TATDN2: variants seen among roughly 807,000 people sequenced by gnomAD.
TATDN2 encodes the protein TatD DNase domain containing 2, also known as 3'-5' RNA nuclease TATDN2.
A neutral mutation model predicts 60.3 loss-of-function variants in TATDN2; 44 were observed. The ratio of observed to expected loss-of-function variants is 0.73; its 90% CI spans 0.57 to 0.94. The LOEUF (loss-of-function observed/expected upper bound fraction) is 0.94, where lower values mean the gene tolerates loss of function less well. TATDN2 is among the 40% of genes least tolerant of loss of function. The probability of loss-of-function intolerance (pLI) is 0.00; values close to 1 mark genes in which losing one functional copy is unlikely to be tolerated. For missense variants in TATDN2, 997 were observed against 948.0 expected, an observed-to-expected ratio of 1.05 and a Z score of -0.68; for synonymous variants, 399 against 355.8, an observed-to-expected ratio of 1.12 and a Z score of -1.37.
intron 3 of TATDN2, among the ~76,000 whole-genome samples, chr3:10,267,240 G>A (rs1173171104): frequency 6.6e-6 from 1 of 150,866 alleles, no homozygotes; most frequent in African/African-American, 2.4e-5. Flanking sequence ...TTGAATATCG[G>A]CAGTCTCCTC....
Position 10,249,346 on chromosome 3 carries a change from C to G in TATDN2, c.146C>G (p.Pro49Arg), listed in dbSNP as rs1218328494. ...AGGTCTGCGTCGCGTTCTGGAGGGC[C>G]CAGCAGCCCCAAGCGCCTGAAAGCC... The part of the protein sequence containing the change: ...AQRSASRSGG[P>R]SSPKRLKAQK... Residue 49 changes from proline (P) to arginine (R), a missense_variant, in exon 2 of 8, where the codon CCC (proline) becomes CGC (arginine). Physicochemically the swap from Pro to Arg is moderately radical, Grantham distance 103 (BLOSUM62 -2). Coordinates refer to ENST00000448281, the MANE Select transcript of TATDN2 (RefSeq NM_014760.4). 6.2e-7 allele frequency: 1 copy of G among 1,612,454 alleles called. No individual in the cohort carries two copies. Among genetic ancestry groups the G allele is most frequent in the Admixed American group, 1.7e-5 (1 of 59,896 alleles).
intron 2 of TATDN2, among the ~76,000 whole-genome samples, chr3:10,252,147 CAAAA>C (rs35469402): frequency 1.3e-4 from 8 of 63,298 alleles, no homozygotes; most frequent in South Asian, 7.6e-4. Context: ...GACTCAGTCT[CAAAA>C]AAAAAAAAAA....
intron 2 of TATDN2, among the ~76,000 whole-genome samples, chr3:10,252,901 G>C (rs1698252947): frequency 7.2e-6 from 1 of 139,682 alleles, no homozygotes; most frequent in East Asian, 2.3e-4. Flanking sequence ...CTGTCACCCA[G>C]GCTGGAGTGC....
chr3:10,270,593 C>T lies in TATDN2; in HGVS notation c.1411C>T (p.Pro471Ser), dbSNP rs768781324. The change falls in exon 4 of 8, where the codon CCG becomes TCG. Residue 471 changes from proline to serine, a missense_variant. Physicochemically the swap from Pro to Ser is moderately conservative, Grantham distance 74 (BLOSUM62 -1). Coordinates refer to ENST00000448281, the MANE Select transcript of TATDN2 (RefSeq NM_014760.4). ...EKRTFQEEMP[P>S]RPCGGHASSS... ...AAGAACATTCCAAGAGGAGATGCCT[C>T]CGCGTCCTTGTGGAGGACACGCATC... 1.9e-6 allele frequency: 3 copies of T among 1,614,250 alleles called. No homozygotes were observed. The highest frequency in any genetic ancestry group is 1.1e-5 in the South Asian group (1 of 91,086).
chr3:10,255,669 C>A (rs1046224950), intron 2 of TATDN2, among the ~76,000 whole-genome samples: 2 of 152,090 alleles, frequency 1.3e-5, no homozygotes, highest in Non-Finnish European at 2.9e-5. Flanking sequence ...AGGCTGGGTG[C>A]GGTGGCTCAT....
intron 3 of TATDN2, among the ~76,000 whole-genome samples, chr3:10,261,826 T>C (rs971767854): frequency 6.6e-6 from 1 of 152,356 alleles, no homozygotes; most frequent in Admixed American, 6.5e-5. Context: ...GACTTCTTGC[T>C]TGGGCGATGA....
rs964260894 is a variant in TATDN2, at chr3:10,280,833, T to G, written c.*1651T>G. ...TGGGGGACTGCCGAGCATATCAAAG[T>G]GTTTATAGTCACCAAGTGAACTGCA... On this transcript the variant is annotated 3_prime_UTR_variant, in exon 8 of 8. Transcript: ENST00000448281. The G allele has an allele frequency of 1.3e-5, 2 of 153,728 alleles. No individual in the cohort carries two copies. Among genetic ancestry groups the G allele is most frequent in the African/African-American group, 4.8e-5 (2 of 41,442 alleles). 9.5% of individuals were successfully genotyped at this position (153,728 alleles called of 1,614,324 possible).
At position 10,267,557 on chromosome 3, in the gene TATDN2, C is replaced by A. The variant is rs1372331053; in HGVS notation, c.949-2574C>A. 2.0e-5 allele frequency among the ~76,000 whole-genome samples: 3 copies of A among 152,158 alleles called. No individual in the cohort carries two copies. The East Asian group carries it at 5.8e-4, about 29-fold the overall frequency. The stretch of plus-strand genomic sequence containing the variant: ...GTCTCTTCGTCTCTATAGATTCATC[C>A]TTTTCTCCCTCCAAAATGTTGTAAT... On this transcript the variant is annotated intron_variant, in intron 3 of 7. Transcript: ENST00000448281.
intron 4 of TATDN2, 69 bp from the exon 5 acceptor site, chr3:10,276,292 G>T (rs1440784806): frequency 7.0e-6 from 11 of 1,576,360 alleles, no homozygotes; most frequent in Non-Finnish European, 8.6e-7. Context: ...GCTGGACTGG[G>T]CGTTCCAGAG....
intron 4 of TATDN2, among the ~76,000 whole-genome samples, chr3:10,272,006 AGACCT>A (rs1698573711): frequency 6.6e-6 from 1 of 152,252 alleles, no homozygotes; most frequent in South Asian, 2.1e-4. Flanking sequence ...CTGGGATTAC[AGACCT>A]GAGCCACTGC....
In TATDN2 at chr3:10,276,224, T is replaced by C. The variant is rs1335683489; in HGVS notation, c.1834-137T>C. 5 of 1,161,360 alleles carry C rather than the reference T, an allele frequency of 4.3e-6. No homozygotes were observed. The East Asian group carries it at 9.9e-5, about 23-fold the overall frequency. The allele number at this position is 1,161,360 out of a possible 1,614,324, so 71.9% of individuals were successfully genotyped here. ...ACCTGGCTCTATTGTAAGTGACCAA[T>C]AATCATTAGCTATTATTACATTATA... On this transcript the variant is annotated intron_variant, in intron 4 of 7. Transcript: ENST00000448281.
At chr3:10,274,121 T>A (rs766146128) in intron 4 of TATDN2, among the ~76,000 whole-genome samples, 39 of 152,206 alleles carry the variant, frequency 2.6e-4, no homozygotes, top group Non-Finnish European at 5.3e-4. Flanking sequence ...TCATCTGTAC[T>A]TCCTTCACTC....
At chr3:10,261,022 A>C (rs1041817931) in intron 3 of TATDN2, among the ~76,000 whole-genome samples, 1 of 152,202 alleles carries the variant, frequency 6.6e-6, no homozygotes, top group Non-Finnish European at 1.5e-5. Context: ...TTGATTCTCT[A>C]TCACCCCTCA....
At position 10,249,614 on chromosome 3, in the gene TATDN2, G is replaced by A; in HGVS notation, c.414G>A (p.Lys138=). Residue 138 remains lysine, a splice_region_variant and synonymous_variant, in exon 2 of 8, where the codon AAG becomes AAA. Transcript: ENST00000448281. ...ASLEEEACSL[K]VDSKDSSHNS... is the part of the protein sequence containing the mutation. ...TAGAGGAGGAAGCCTGCAGCCTTAA[G>A]GTAGGTGGCTGCCACGCTTTGCAAT... is the stretch of plus-strand genomic sequence containing the variant. The A allele has an allele frequency of 6.6e-7, 1 of 1,506,078 alleles. No homozygotes were observed. Among genetic ancestry groups the A allele is most frequent in the Non-Finnish European group, 8.9e-7 (1 of 1,128,090 alleles). 93.3% of individuals were successfully genotyped at this position (1,506,078 alleles called of 1,614,324 possible).
At position 10,276,344 on chromosome 3, in the gene TATDN2, G is replaced by C; in HGVS notation, c.1834-17G>C. On this transcript the variant is annotated splice_polypyrimidine_tract_variant and intron_variant, in intron 4 of 7. Transcript: ENST00000448281. Reference sequence around the variant, plus strand: ...GTGCTGCTAACCAACAGGGGTTGTCGCTGTGTCCTCTCCTAGGTATTTGAG... The same window carrying C: ...GTGCTGCTAACCAACAGGGGTTGTCCCTGTGTCCTCTCCTAGGTATTTGAG... 1 of 1,612,630 alleles carries C rather than the reference G, an allele frequency of 6.2e-7. No homozygotes were observed. Among genetic ancestry groups the C allele is most frequent in the East Asian group, 2.2e-5 (1 of 44,852 alleles).
At chr3:10,267,222 A>G (rs1278039261) in intron 3 of TATDN2, among the ~76,000 whole-genome samples, 1 of 151,514 alleles carries the variant, frequency 6.6e-6, no homozygotes, top group African/African-American at 2.4e-5. Context: ...TGCCCGGCTG[A>G]GACAGTCTTG....
chr3:10,267,733 G>A (rs911517723), intron 3 of TATDN2, among the ~76,000 whole-genome samples: 3 of 152,092 alleles, frequency 2.0e-5, no homozygotes, highest in East Asian at 1.9e-4. Flanking sequence ...GTTTTTCCTC[G>A]AGGTGTGTTT....
chr3:10,254,866 A>G (rs557184418), intron 2 of TATDN2, among the ~76,000 whole-genome samples: 1 of 152,120 alleles, frequency 6.6e-6, no homozygotes, highest in South Asian at 2.1e-4. Flanking sequence ...CCCATGGTCT[A>G]CCTACTTCTT....
At chr3:10,259,665 G>A (rs554934304) in intron 2 of TATDN2, among the ~76,000 whole-genome samples, 22 of 152,318 alleles carry the variant, frequency 1.4e-4, no homozygotes, top group African/African-American at 5.3e-4. Flanking sequence ...AGGAGGCTTT[G>A]GGTATGGTGG....
Sources: gnomAD v4.1 joint callset for allele counts (sites outside exome capture counted in the v4.1 genomes callset) on GRCh38, gnomAD v4.1.1 for gene constraint, MANE v1.5 for transcripts, NCBI Gene and HGNC (gene_info 2026-07-23, HGNC 2026-07-21) for gene names.